WDPCP: variants seen among roughly 807,000 people sequenced by gnomAD.
WDPCP encodes WD repeat-containing and planar cell polarity effector protein fritz homolog.
A neutral mutation model predicts 93.1 loss-of-function variants in WDPCP; 71 were observed. The observed-to-expected ratio is 0.76, with a 90% CI of 0.63 to 0.93. WDPCP has a LOEUF of 0.93. Ranked by LOEUF, WDPCP falls within the 40% of genes least tolerant of loss-of-function variation. The pLI is 0.00. For synonymous variants in WDPCP, 315 were observed against 315.0 expected (o/e 1.00, Z 0.00); for missense variants, 844 against 887.4 (o/e 0.95, Z 0.62).
At chr2:63,350,172 C>G (rs557075053) in intron 12 of WDPCP, among the ~76,000 whole-genome samples, 2 of 152,268 alleles carry the variant, frequency 1.3e-5, no homozygotes, top group South Asian at 4.1e-4. Flanking sequence ...CCATCATTAT[C>G]AGCAAACTAT....
At chr2:63,197,518 A>G (rs1003813192) in intron 14 of WDPCP, among the ~76,000 whole-genome samples, 1 of 152,244 alleles carries the variant, frequency 6.6e-6, no homozygotes, top group African/African-American at 2.4e-5. Context: ...TAATAAGAAT[A>G]AAAATAAAAA....
intron 17 of WDPCP, among the ~76,000 whole-genome samples, chr2:63,126,108 A>AT (rs1333026760): frequency 7.3e-5 from 11 of 150,514 alleles, no homozygotes; most frequent in Non-Finnish European, 1.6e-4. Flanking sequence ...CTATTTTTGT[A>AT]TTTTTTGTAG....
chr2:63,264,798 A>C (rs1377373213), intron 13 of WDPCP, among the ~76,000 whole-genome samples: 1 of 152,232 alleles, frequency 6.6e-6, no homozygotes, highest in East Asian at 1.9e-4. Context: ...TACATTGAAC[A>C]TTCTTCAGAA....
chr2:63,153,617 A>G (rs1368711228), intron 15 of WDPCP, 43 bp from the exon 16 acceptor site: 2 of 1,469,962 alleles, frequency 1.4e-6, no homozygotes, highest in African/African-American at 1.4e-5. Context: ...GGATTAAAAA[A>G]GAAAATTTTA....
At chr2:63,180,427 A>G (rs1674156216) in intron 14 of WDPCP, among the ~76,000 whole-genome samples, 1 of 152,160 alleles carries the variant, frequency 6.6e-6, no homozygotes, top group Non-Finnish European at 1.5e-5. Context: ...CACTTGTGAG[A>G]ACATGTGGTG....
intron 12 of WDPCP, among the ~76,000 whole-genome samples, chr2:63,351,929 ATC>A (rs1689655947): frequency 6.6e-6 from 1 of 152,180 alleles, no homozygotes; most frequent in Non-Finnish European, 1.5e-5. Context: ...CCTCACCAGC[ATC>A]TGTTGTTTTC....
At chr2:63,736,107 G>C (rs975953121) in intron 2 of WDPCP, among the ~76,000 whole-genome samples, 1 of 152,182 alleles carries the variant, frequency 6.6e-6, no homozygotes, top group African/African-American at 2.4e-5. Flanking sequence ...GAACACCATA[G>C]AGGAAATGAC....
At chr2:63,554,983 A>G (rs941465247) in intron 1 of WDPCP, among the ~76,000 whole-genome samples, 5 of 152,270 alleles carry the variant, frequency 3.3e-5, no homozygotes, top group Admixed American at 2.6e-4. Flanking sequence ...GCAGTCCACA[A>G]ATTAGGAGAT....
intron 1 of WDPCP, among the ~76,000 whole-genome samples, chr2:63,826,676 A>G (rs1671118096): frequency 6.6e-6 from 1 of 152,180 alleles, no homozygotes; most frequent in South Asian, 2.1e-4. Context: ...AAATTAAATG[A>G]TAATGCAGAT....
intron 14 of WDPCP, among the ~76,000 whole-genome samples, chr2:63,258,396 T>A (rs1474924635): frequency 6.6e-6 from 1 of 152,192 alleles, no homozygotes; most frequent in Non-Finnish European, 1.5e-5. Context: ...CTTTGAGTCC[T>A]TCAGTACCAC....
chr2:63,422,703 T>C (rs1558613026), intron 9 of WDPCP, among the ~76,000 whole-genome samples: 1 of 152,222 alleles, frequency 6.6e-6, no homozygotes, highest in Non-Finnish European at 1.5e-5. Flanking sequence ...AGAGAAAATA[T>C]GAAATTATGT....
At chr2:63,494,081 T>G (rs1331810849) in intron 1 of WDPCP, among the ~76,000 whole-genome samples, 1 of 152,136 alleles carries the variant, frequency 6.6e-6, no homozygotes, top group East Asian at 1.9e-4. Context: ...CTCAATGCAC[T>G]TACAATCAAG....
At chr2:63,798,856 G>T (rs74368788) in intron 2 of WDPCP, among the ~76,000 whole-genome samples, 1,985 of 152,174 alleles carry the variant, frequency 0.013, 20 homozygotes, top group Non-Finnish European at 0.015. Context: ...ATGACACACA[G>T]AGGCTGAAAA....
intron 2 of WDPCP, among the ~76,000 whole-genome samples, chr2:63,728,775 G>C (rs112762490): frequency 0.017 from 2,532 of 152,148 alleles, 22 homozygotes; most frequent in African/African-American, 0.017. Context: ...GCTTCTCTCT[G>C]AGTTCCACAG....
intron 2 of WDPCP, among the ~76,000 whole-genome samples, chr2:63,675,529 G>T (rs893499665): frequency 6.6e-6 from 1 of 151,972 alleles, no homozygotes; most frequent in African/African-American, 2.4e-5. Flanking sequence ...CGGGGTAGGG[G>T]GGTGGCAAGG....
intron 2 of WDPCP, among the ~76,000 whole-genome samples, chr2:63,738,180 ATTC>A (rs918595604): frequency 6.6e-6 from 1 of 151,928 alleles, no homozygotes; most frequent in African/African-American, 2.4e-5. Flanking sequence ...GACCCGTTTT[ATTC>A]ATTTCTATTA....
At chr2:63,219,492 G>A (rs1559215580) in intron 14 of WDPCP, among the ~76,000 whole-genome samples, 1 of 152,154 alleles carries the variant, frequency 6.6e-6, no homozygotes, top group Non-Finnish European at 1.5e-5. Flanking sequence ...AAGTCCTCAA[G>A]CAGATACTTT....
intron 1 of WDPCP, among the ~76,000 whole-genome samples, chr2:63,554,276 A>C (rs1705901886): frequency 6.6e-6 from 1 of 152,206 alleles, no homozygotes; most frequent in African/African-American, 2.4e-5. Context: ...TTTTGGCAAG[A>C]ATACTGCAGA....
intron 1 of WDPCP, among the ~76,000 whole-genome samples, chr2:63,546,947 T>C (rs537203829): frequency 6.6e-6 from 1 of 151,520 alleles, no homozygotes; most frequent in East Asian, 1.9e-4. Context: ...TCTGAGAAGG[T>C]AAATAAACTA....
Sources: gnomAD v4.1 joint callset for allele counts (sites outside exome capture counted in the v4.1 genomes callset) on GRCh38, gnomAD v4.1.1 for gene constraint, MANE v1.5 for transcripts, NCBI Gene and HGNC (gene_info 2026-07-23, HGNC 2026-07-21) for gene names.